Variants in CSNK1A1 observed in about 807,000 individuals in gnomAD.
CSNK1A1 encodes casein kinase I isoform alpha.
CSNK1A1 carries 7 observed loss-of-function variants against 46.1 expected under a neutral mutation model. That is an observed-to-expected ratio of 0.15 (90% CI 0.09 to 0.29). CSNK1A1 has a LOEUF of 0.29. Among genes scored for constraint, CSNK1A1 ranks in the 10% least tolerant of loss-of-function variants. The pLI is 1.00. For missense variants in CSNK1A1, 96 were observed against 417.1 expected, an observed-to-expected ratio of 0.23 and a Z score of 6.71; for synonymous variants, 137 against 141.5, an observed-to-expected ratio of 0.97 and a Z score of 0.23.
At chr5:149,534,482 C>CAAAAAAAA (rs10597922) in intron 2 of CSNK1A1, among the ~76,000 whole-genome samples, 12 of 94,976 alleles carry the variant, frequency 1.3e-4, no homozygotes, top group African/African-American at 5.1e-4. Context: ...GACTCTGTCT[C>CAAAAAAAA]AAAAAAAAAA....
chr5:149,497,491 C>T, intron 9 of CSNK1A1: 2 of 985,774 alleles, frequency 2.0e-6, no homozygotes, highest in Non-Finnish European at 2.4e-6. Flanking sequence ...CAAGCCTACA[C>T]ATTCTACAAA....
At chr5:149,535,132 C>T (rs1001789855) in intron 2 of CSNK1A1, among the ~76,000 whole-genome samples, 6 of 152,174 alleles carry the variant, frequency 3.9e-5, no homozygotes, top group Admixed American at 6.6e-5. Context: ...TCATTTCTTT[C>T]CTACTTCTTG....
intron 9 of CSNK1A1, chr5:149,498,238 T>TG (rs1561748685): frequency 1.0e-6 from 1 of 984,788 alleles, no homozygotes; most frequent in Non-Finnish European, 1.2e-6. Context: ...TTTTTTTTTT[T>TG]GGGAAATAAT....
intron 3 of CSNK1A1, among the ~76,000 whole-genome samples, chr5:149,523,627 G>A (rs1310387275): frequency 6.6e-6 from 1 of 152,180 alleles, no homozygotes; most frequent in Non-Finnish European, 1.5e-5. Context: ...AGTATCAGGT[G>A]CTGATTACAG....
chr5:149,550,349 G>T lies in CSNK1A1; in HGVS notation c.124-168C>A. On this transcript the variant is annotated intron_variant, in intron 1 of 9. Coordinates refer to ENST00000377843, the MANE Select transcript of CSNK1A1 (RefSeq NM_001892.6). The surrounding 1 kb of genome is among the most constrained non-coding windows in gnomAD (Gnocchi z 4.3). ...TAAAACGAGGCAACCAGCCTCAAAGGCCTCTTCAGGGGGTAGTGACGAAAT... is the reference window on the plus strand; with the variant it reads ...TAAAACGAGGCAACCAGCCTCAAAGTCCTCTTCAGGGGGTAGTGACGAAAT... The T allele has an allele frequency of 7.0e-7, 1 of 1,424,028 alleles. No individual in the cohort carries two copies. Among genetic ancestry groups the T allele is most frequent in the Non-Finnish European group, 9.1e-7 (1 of 1,093,836 alleles). The allele number at this position is 1,424,028 out of a possible 1,614,324, so 88.2% of individuals were successfully genotyped here. A position where few individuals can be genotyped will look rare whatever the true frequency, so the allele number is the denominator to read the frequency against.
intron 2 of CSNK1A1, among the ~76,000 whole-genome samples, chr5:149,528,191 T>C (rs1761779191): frequency 6.6e-6 from 1 of 152,194 alleles, no homozygotes; most frequent in African/African-American, 2.4e-5. Context: ...TCTTCATCCT[T>C]GCTTAAATTT....
intron 3 of CSNK1A1, among the ~76,000 whole-genome samples, chr5:149,522,230 CCT>C (rs1761593894): frequency 6.6e-6 from 1 of 152,026 alleles, no homozygotes; most frequent in Non-Finnish European, 1.5e-5. Flanking sequence ...AGCTCAGCCC[CCT>C]GAGAAGCTGG....
intron 2 of CSNK1A1, among the ~76,000 whole-genome samples, chr5:149,538,871 G>A (rs141880011): frequency 2.0e-5 from 3 of 151,534 alleles, no homozygotes; most frequent in African/African-American, 4.8e-5. Flanking sequence ...GCGGTGAGCC[G>A]AGATTGTGCC....
chr5:149,495,744 T>TAAAAAAAAAAAAAAAAA lies in CSNK1A1; in HGVS notation c.*1092_*1108dup, dbSNP rs149346325. ...TACTAGATATTGTGCCTGCAAGTCA[T>TAAAAAAAAAAAAAAAAA]AAAAAAAAAAAAAAAAAAAGAAAAA... On this transcript the variant is annotated 3_prime_UTR_variant, in exon 10 of 10. Transcript: ENST00000377843. The TAAAAAAAAAAAAAAAAA allele has an allele frequency of 4.3e-5, 4 of 92,720 alleles. No individual in the cohort carries two copies. The highest frequency in any genetic ancestry group is 6.7e-5 in the Non-Finnish European group (3 of 45,058). 5.7% of individuals were successfully genotyped at this position (92,720 alleles called of 1,614,324 possible).
intron 9 of CSNK1A1, chr5:149,501,232 T>C (rs1013849143): frequency 1.0e-6 from 1 of 985,404 alleles, no homozygotes; most frequent in Non-Finnish European, 1.2e-6. Context: ...CCTGTTGGGT[T>C]ATTTAGATCT....
Position 149,501,948 on chromosome 5 carries a change from T to C in CSNK1A1, c.1006+3499A>G, listed in dbSNP as rs1760871812. The C allele has an allele frequency of 7.5e-6, 7 of 927,558 alleles. No individual in the cohort carries two copies. The South Asian group carries it at 3.0e-4, about 39-fold the overall frequency. 57.5% of individuals were successfully genotyped at this position (927,558 alleles called of 1,614,324 possible). On this transcript the variant is annotated intron_variant, in intron 9 of 9. Coordinates refer to ENST00000377843, the MANE Select transcript of CSNK1A1 (RefSeq NM_001892.6). Reference sequence around the variant, plus strand: ...AATAAAAACAGTAATTATAATCTTGTAGTAATTGAACATTAAAAACTAGTA... The same window carrying C: ...AATAAAAACAGTAATTATAATCTTGCAGTAATTGAACATTAAAAACTAGTA...
chr5:149,544,737 T>TTATATATATATATATA (rs375444306), intron 2 of CSNK1A1, among the ~76,000 whole-genome samples: 1,044 of 80,628 alleles, frequency 0.013, 43 homozygotes, highest in African/African-American at 0.015. Flanking sequence ...GTAAAGAGCT[T>TTATATATATATATATA]TATATATATA....
intron 2 of CSNK1A1, among the ~76,000 whole-genome samples, chr5:149,528,751 A>G (rs1310555380): frequency 6.6e-6 from 1 of 152,208 alleles, no homozygotes; most frequent in Non-Finnish European, 1.5e-5. Context: ...ACCCCTTGAC[A>G]ATACTCATCT....
intron 3 of CSNK1A1, among the ~76,000 whole-genome samples, chr5:149,522,461 T>C (rs1263158860): frequency 6.6e-6 from 1 of 152,228 alleles, no homozygotes; most frequent in Non-Finnish European, 1.5e-5. Context: ...TTAAATAGAT[T>C]ACATATCCAA....
intron 2 of CSNK1A1, chr5:149,549,444 C>T (rs1177347305): frequency 1.4e-6 from 1 of 702,124 alleles, no homozygotes; most frequent in Non-Finnish European, 2.6e-6. Context: ...CCATCTCCTT[C>T]CTCGAACCTC....
At chr5:149,538,480 T>C (rs974104523) in intron 2 of CSNK1A1, among the ~76,000 whole-genome samples, 1 of 152,154 alleles carries the variant, frequency 6.6e-6, no homozygotes, top group African/African-American at 2.4e-5. Context: ...GTTTGAAGAA[T>C]AGAAGCTAAC....
chr5:149,500,273 G>A lies in CSNK1A1; in HGVS notation c.1007-3413C>T, dbSNP rs574612001. ...CTGCCTCAGCCTCCCAAGTAGCTGG[G>A]ACTATAGGCGCCCGCCACCACGCCC... is the stretch of plus-strand genomic sequence containing the variant. On this transcript the variant is annotated intron_variant, in intron 9 of 9. Transcript: ENST00000377843. Among the ~76,000 whole-genome samples the A allele has an allele frequency of 9.6e-3, 1,455 of 152,024 alleles. 18 individuals are homozygous for A. The highest frequency in any genetic ancestry group is 0.033 in the African/African-American group (1,359 of 41,454).
At chr5:149,545,757 T>C (rs554669714) in intron 2 of CSNK1A1, 2 of 630,902 alleles carry the variant, frequency 3.2e-6, no homozygotes, top group East Asian at 6.6e-5. Context: ...CTGTGCCATT[T>C]TCAGGACTGG....
intron 9 of CSNK1A1, chr5:149,498,979 A>T: frequency 2.0e-6 from 2 of 985,460 alleles, no homozygotes; most frequent in Non-Finnish European, 1.2e-6. Context: ...CCCTAACAAT[A>T]TTCCTGGTAG....
Sources: gnomAD v4.1 joint callset for allele counts (sites outside exome capture counted in the v4.1 genomes callset) on GRCh38, gnomAD v4.1.1 for gene constraint, Gnocchi (gnomAD v3.1) non-coding constraint, MANE v1.5 for transcripts, NCBI Gene and HGNC (gene_info 2026-07-23, HGNC 2026-07-21) for gene names.